ZNF75D: variants seen among roughly 807,000 people sequenced by gnomAD.
The protein encoded by ZNF75D is zinc finger protein 75.
ZNF75D carries 33 observed loss-of-function variants against 33.3 expected under a neutral mutation model. The observed-to-expected ratio is 0.99, with a 90% confidence interval of 0.75 to 1.32. The LOEUF (loss-of-function observed/expected upper bound fraction) is 1.32. Among genes scored for constraint, ZNF75D ranks in the 40% most tolerant of loss-of-function variants. ZNF75D has a pLI of 0.00. For missense variants in ZNF75D, 338 were observed against 367.5 expected (o/e 0.92, Z 0.66); for synonymous variants, 113 against 130.6 (o/e 0.87, Z 0.92).
chrX:135,305,015 G>A (rs1408343291), intron 1 of ZNF75D, among the ~76,000 whole-genome samples: 1 of 112,287 alleles, frequency 8.9e-6, no homozygotes, highest in East Asian at 2.8e-4. Context: ...TATCACCCCT[G>A]GGGGAAGTCC....
downstream of ZNF75D, among the ~76,000 whole-genome samples, chrX:135,285,238 T>C (rs193153911): frequency 7.6e-3 from 851 of 112,084 alleles, 10 homozygotes; most frequent in South Asian, 0.018. Flanking sequence ...ATGCACCTAG[T>C]AGCATAAATA....
Position 135,287,289 on chromosome X carries a change from T to C in ZNF75D, c.1381A>G (p.Asn461Asp). ...CDECGKRFIQ[N>D]SHLIKHQRTH... ...CTCTGGTGTTTAATAAGGTGGGAGT[T>C]CTGAATGAATCTTTTTCCACATTCA... Residue 461 changes from asparagine to aspartate, a missense_variant, in exon 7 of 7, where the codon AAC (asparagine) becomes GAC (aspartate). By Grantham distance (23) the Asn-to-Asp change is conservative (BLOSUM62 1). This residue lies in a region of ZNF75D where 79 missense variants were observed against 80.1 expected (regional missense o/e 0.99). Transcript: ENST00000370766. 5.0e-6 allele frequency: 6 copies of C among 1,211,839 alleles called. No individual in the cohort carries two copies. Among genetic ancestry groups the C allele is most frequent in the Non-Finnish European group, 6.7e-6 (6 of 895,460 alleles).
intron 1 of ZNF75D, among the ~76,000 whole-genome samples, chrX:135,264,308 C>T (rs1556416027): frequency 9.0e-6 from 1 of 111,529 alleles, no homozygotes; most frequent in Non-Finnish European, 1.9e-5. Context: ...CCCCATGATC[C>T]AATCACCTCC....
intron 1 of ZNF75D, among the ~76,000 whole-genome samples, chrX:135,303,499 G>A (rs2084246974): frequency 8.9e-6 from 1 of 112,332 alleles, no homozygotes; most frequent in Non-Finnish European, 1.9e-5. Context: ...GTTTAACAAA[G>A]CACATCTTGC....
chrX:135,289,310 T>C (rs2084001637), intron 6 of ZNF75D, among the ~76,000 whole-genome samples: 2 of 112,354 alleles, frequency 1.8e-5, no homozygotes, highest in Admixed American at 9.4e-5. Flanking sequence ...TTGCATTTGT[T>C]TGTGGCAAGA....
chrX:135,264,477 G>C (rs2083855537), intron 1 of ZNF75D, among the ~76,000 whole-genome samples: 1 of 111,617 alleles, frequency 9.0e-6, no homozygotes, highest in Admixed American at 9.5e-5. Context: ...GCAATGCCTA[G>C]ACACAGATGA....
At chrX:135,292,081 T>C (rs1284804048) in intron 4 of ZNF75D, among the ~76,000 whole-genome samples, 200 bp downstream of exon 4, 2 of 111,665 alleles carry the variant, frequency 1.8e-5, no homozygotes, top group African/African-American at 6.5e-5. Flanking sequence ...ATAGTGTGAA[T>C]AGCAGGGTTC....
Position 135,334,813 on chromosome X carries a change from T to A in ZNF75D, c.-391+6955A>T, listed in dbSNP as rs1216364346. ...CATGTATATTTATTATACATGTGCA[T>A]GCTAATACTATTTCTTCTTAGTGCC... On this transcript the variant is annotated intron_variant, in intron 1 of 6. Transcript: ENST00000370766. Among the ~76,000 whole-genome samples the A allele has an allele frequency of 2.7e-5, 3 of 111,762 alleles. No homozygotes were observed. In the Admixed American group the frequency reaches 2.8e-4, roughly 11 times the overall value.
At chrX:135,300,639 C>T (rs919251162) in intron 1 of ZNF75D, among the ~76,000 whole-genome samples, 5 of 109,036 alleles carry the variant, frequency 4.6e-5, no homozygotes, top group Non-Finnish European at 7.6e-5. Flanking sequence ...CCCAGCTACT[C>T]GGGAGGCTGA....
At position 135,340,715 on chromosome X, in the gene ZNF75D, G is replaced by A. The variant is rs187130190; in HGVS notation, c.-391+1053C>T. ...AGCCACTGTGCCCAGCCCATGAAACGTTAAAGTGGATTGATCTGCTCACCC... is the reference window on the plus strand; with the variant it reads ...AGCCACTGTGCCCAGCCCATGAAACATTAAAGTGGATTGATCTGCTCACCC... On this transcript the variant is annotated intron_variant, in intron 1 of 6. Coordinates refer to ENST00000370766, the MANE Select transcript of ZNF75D (RefSeq NM_007131.5). Among the ~76,000 whole-genome samples the A allele has an allele frequency of 3.7e-3, 410 of 111,971 alleles. 2 individuals carry two copies. Among genetic ancestry groups the A allele is most frequent in the Admixed American group, 0.022 (229 of 10,624 alleles).
intron 1 of ZNF75D, among the ~76,000 whole-genome samples, chrX:135,276,188 T>C (rs1439961221): frequency 8.9e-6 from 1 of 112,184 alleles, no homozygotes; most frequent in Non-Finnish European, 1.9e-5. Context: ...ATTGGAGGAC[T>C]CCCACTTCCT....
At chrX:135,267,278 G>A (rs1411905726) in intron 1 of ZNF75D, among the ~76,000 whole-genome samples, 1 of 111,272 alleles carries the variant, frequency 9.0e-6, no homozygotes. Context: ...ATAAATAAAC[G>A]AATGTGAAAA....
chrX:135,324,500 A>G (rs2084536697), intron 1 of ZNF75D, among the ~76,000 whole-genome samples: 1 of 112,863 alleles, frequency 8.9e-6, no homozygotes. Flanking sequence ...CTGTTAGTAT[A>G]CTAACTCTTG....
chrX:135,259,444 A>G (rs2083828342), intron 1 of ZNF75D, among the ~76,000 whole-genome samples: 1 of 111,942 alleles, frequency 8.9e-6, no homozygotes. Context: ...ATGTTCTTCC[A>G]TTTGTTTGTG....
intron 1 of ZNF75D, among the ~76,000 whole-genome samples, chrX:135,303,164 G>C (rs2084241458): frequency 1.8e-5 from 2 of 110,420 alleles, no homozygotes; most frequent in South Asian, 8.1e-4. Context: ...ATATACAATC[G>C]GGTTTTACAC....
chrX:135,284,417 C>T (rs1489970568), downstream of ZNF75D, among the ~76,000 whole-genome samples: 2 of 111,581 alleles, frequency 1.8e-5, no homozygotes, highest in Admixed American at 9.5e-5. Context: ...TCAGGATGCA[C>T]GGGGAATGTG....
chrX:135,335,358 T>C (rs782202947), intron 1 of ZNF75D, among the ~76,000 whole-genome samples: 137 of 110,955 alleles, frequency 1.2e-3, no homozygotes, highest in African/African-American at 4.1e-3. Flanking sequence ...GAATGCCCCT[T>C]CTCTGGGAGG....
chrX:135,331,820 G>C (rs1328398347), intron 1 of ZNF75D, among the ~76,000 whole-genome samples: 1 of 111,430 alleles, frequency 9.0e-6, no homozygotes, highest in Admixed American at 9.5e-5. Flanking sequence ...ATTTGTGTTA[G>C]GTAGAAAATT....
At chrX:135,284,463 A>T (rs2083933030), downstream of ZNF75D, among the ~76,000 whole-genome samples, 1 of 111,794 alleles carries the variant, frequency 8.9e-6, no homozygotes, top group Admixed American at 9.5e-5. Context: ...TGAAGGGCAG[A>T]CTGGGCACTA....
Sources: allele counts gnomAD v4.1 joint callset (sites outside exome capture counted in the v4.1 genomes callset), GRCh38; gene constraint gnomAD v4.1.1; regional missense constraint gnomAD v4.1.1; transcripts MANE v1.5; gene names NCBI Gene and HGNC (gene_info 2026-07-23, HGNC 2026-07-21).